Variants in WDR11 observed in about 807,000 individuals in gnomAD.
The protein encoded by WDR11 is WD repeat domain 11.
In WDR11, 83 loss-of-function variants were observed where a neutral mutation model predicts 151.2. That is an observed-to-expected ratio of 0.55 (90% CI 0.46 to 0.66). The LOEUF (loss-of-function observed/expected upper bound fraction) is 0.66, where lower values mean the gene tolerates loss of function less well. Ranked by LOEUF, WDR11 falls within the 30% of genes least tolerant of loss-of-function variation. The pLI, the probability that WDR11 is intolerant of heterozygous loss-of-function variation, is 0.00. For synonymous variants in WDR11, 484 were observed against 533.1 expected (o/e 0.91, Z 1.27); for missense variants, 1,301 against 1,480.9 (o/e 0.88, Z 1.99).
rs1848171432 is a variant in WDR11 at position 120,908,683 on chromosome 10, G to GT, written c.3646dup (p.Ser1216PhefsTer8). 6.2e-7 allele frequency: 1 copy of GT among 1,614,198 alleles called. No individual in the cohort carries two copies. The highest frequency in any genetic ancestry group is 8.5e-7 in the Non-Finnish European group (1 of 1,180,042). On this transcript the variant is annotated frameshift_variant, in exon 29 of 29. Coordinates refer to ENST00000263461, the MANE Select transcript of WDR11 (RefSeq NM_018117.12). LOFTEE classifies it high-confidence loss of function. ...GCAAAGACTTATTGAATGAGCTTGA[G>GT]TCCCCCAAGGAAGAACCCATTGAAG...
At chr10:120,862,025 A>G (rs143722619) in intron 4 of WDR11, among the ~76,000 whole-genome samples, 2 of 152,348 alleles carry the variant, frequency 1.3e-5, no homozygotes, top group East Asian at 1.9e-4. Flanking sequence ...GTATCATCAA[A>G]TAAAATATAT....
chr10:120,888,102 A>G (rs1847288446), intron 16 of WDR11, among the ~76,000 whole-genome samples: 1 of 152,214 alleles, frequency 6.6e-6, no homozygotes, highest in Non-Finnish European at 1.5e-5. Context: ...CATGGATACC[A>G]TTTGAATTTT....
At chr10:120,901,011 C>G in intron 20 of WDR11, 25 bp from the exon 21 acceptor site, 1 of 1,518,474 alleles carries the variant, frequency 6.6e-7, no homozygotes, top group South Asian at 1.1e-5. Context: ...AGATAATGAA[C>G]TCATTCAAAA....
chr10:120,889,952 A>C lies in WDR11; in HGVS notation c.2286A>C (p.Gly762=), dbSNP rs1847364579. The change falls in exon 18 of 29, where the codon GGA becomes GGC. Residue 762 remains glycine, a synonymous_variant. Coordinates refer to ENST00000263461, the MANE Select transcript of WDR11 (RefSeq NM_018117.12). ...VRKIRFAPGK[G]NQKLIAMYND... ...AGATTCGTTTTGCTCCTGGTAAAGG[A>C]AATCAAAAATTAATAGCAATGTACA... 1 of 1,614,138 alleles carries C rather than the reference A, an allele frequency of 6.2e-7. No individual in the cohort carries two copies. Among genetic ancestry groups the C allele is most frequent in the East Asian group, 2.2e-5 (1 of 44,872 alleles).
intron 9 of WDR11, among the ~76,000 whole-genome samples, chr10:120,869,105 G>GTTTT (rs1491035622): frequency 4.2e-5 from 3 of 71,634 alleles, no homozygotes. Flanking sequence ...ATAAATTACA[G>GTTTT]GTTTTTTTTT....
rs1845762568 is a variant in WDR11, at chr10:120,851,364, A to C, written c.-57A>C. 6.6e-7 allele frequency: 1 copy of C among 1,508,206 alleles called. No individual in the cohort carries two copies. Among genetic ancestry groups the C allele is most frequent in the African/African-American group, 1.4e-5 (1 of 73,122 alleles). 93.4% of individuals were successfully genotyped at this position (1,508,206 alleles called of 1,614,324 possible). On this transcript the variant is annotated 5_prime_UTR_variant, in exon 1 of 29. Transcript: ENST00000263461. ...CGGACTCTGTTTGGAACGGAAGCACAGTGTCCGCCGCTTCCTGGTTGCGGG... is the reference window on the plus strand; with the variant it reads ...CGGACTCTGTTTGGAACGGAAGCACCGTGTCCGCCGCTTCCTGGTTGCGGG...
rs761965270 is a variant in WDR11 at position 120,905,311 on chromosome 10, T to C, written c.3194-8T>C. The C allele has an allele frequency of 7.1e-5, 114 of 1,613,816 alleles. No individual in the cohort carries two copies. The South Asian group carries it at 1.2e-3, about 17-fold the overall frequency. Reference sequence around the variant, plus strand: ...TGTCACTTAAGGGGATGCGCTTTTGTCTTTCAGAGGGCGTTCAGTTGCTCT... The same window carrying C: ...TGTCACTTAAGGGGATGCGCTTTTGCCTTTCAGAGGGCGTTCAGTTGCTCT... On this transcript the variant is annotated splice_region_variant and splice_polypyrimidine_tract_variant and intron_variant, in intron 25 of 28. Coordinates refer to ENST00000263461, the MANE Select transcript of WDR11 (RefSeq NM_018117.12).
rs1380672683 is a variant in WDR11, at chr10:120,871,257, C to T, written c.1382C>T (p.Ser461Leu). 1 of 1,614,176 alleles carries T rather than the reference C, an allele frequency of 6.2e-7. No homozygotes were observed. Among genetic ancestry groups the T allele is most frequent in the Admixed American group, 1.7e-5 (1 of 60,020 alleles). Residue 461 changes from serine (S) to leucine (L), a missense_variant, in exon 10 of 29, where the codon TCA (serine) becomes TTA (leucine). Physicochemically the swap from Ser to Leu is moderately radical, Grantham distance 145. This residue lies in a region of WDR11 where 692 missense variants were observed against 762.5 expected (regional missense o/e 0.91). Coordinates refer to ENST00000263461, the MANE Select transcript of WDR11 (RefSeq NM_018117.12). Reference protein sequence around the residue: ...HLKFLLTGLLSGLPAPQFAIR... With the variant: ...HLKFLLTGLLLGLPAPQFAIR... Reference sequence around the variant, plus strand: ...AAGTTCCTGCTGACGGGACTGCTTTCAGGACTGCCCGCACCACAGTTTGCT... The same window carrying T: ...AAGTTCCTGCTGACGGGACTGCTTTTAGGACTGCCCGCACCACAGTTTGCT...
At chr10:120,856,565 ACT>A (rs1181181650) in intron 2 of WDR11, among the ~76,000 whole-genome samples, 1 of 112,060 alleles carries the variant, frequency 8.9e-6, no homozygotes, top group Non-Finnish European at 1.7e-5. Context: ...ACAGAATAAG[ACT>A]CTGTCTCCAA....
chr10:120,880,752 C>G (rs895536041), intron 12 of WDR11, 74 bp from the exon 13 acceptor site: 2 of 1,279,336 alleles, frequency 1.6e-6, no homozygotes, highest in African/African-American at 3.0e-5. Context: ...GATCAAATTA[C>G]ATTGGCGTGG....
intron 16 of WDR11, among the ~76,000 whole-genome samples, chr10:120,887,326 T>C (rs1376768025): frequency 6.6e-6 from 1 of 152,234 alleles, no homozygotes; most frequent in Non-Finnish European, 1.5e-5. Context: ...CTTATGGCCT[T>C]GTGGAATCTG....
intron 3 of WDR11, among the ~76,000 whole-genome samples, 155 bp from the exon 4 acceptor site, chr10:120,859,954 T>TACACAC (rs3217470): frequency 2.0e-5 from 3 of 150,724 alleles, no homozygotes; most frequent in South Asian, 4.2e-4. Flanking sequence ...GGAATATTGA[T>TACACAC]ACACACACAC....
chr10:120,887,911 T>C (rs1847276528), intron 16 of WDR11, among the ~76,000 whole-genome samples: 2 of 148,120 alleles, frequency 1.4e-5, no homozygotes, highest in South Asian at 4.4e-4. Context: ...CTTCATATTA[T>C]ATACAGAATT....
At chr10:120,867,361 C>G (rs947276355) in intron 9 of WDR11, among the ~76,000 whole-genome samples, 192 bp downstream of exon 9, 1 of 152,164 alleles carries the variant, frequency 6.6e-6, no homozygotes, top group Admixed American at 6.5e-5. Flanking sequence ...TGAAGTAGCA[C>G]GGGTTTGCAT....
rs1276625499 is a variant in WDR11 at position 120,851,589 on chromosome 10, C to G, written c.86+83C>G. The G allele has an allele frequency of 3.9e-6, 6 of 1,533,366 alleles. No individual in the cohort carries two copies. In the East Asian group the frequency reaches 9.5e-5, roughly 24 times the overall value. The allele number at this position is 1,533,366 out of a possible 1,614,324, so 95.0% of individuals were successfully genotyped here. Reference sequence around the variant, plus strand: ...GGGGAAGGACAAGAGGTTTCACCCCCTGGTTAGTTTGGCCTCGCTAAGGCA... The same window carrying G: ...GGGGAAGGACAAGAGGTTTCACCCCGTGGTTAGTTTGGCCTCGCTAAGGCA... On this transcript the variant is annotated intron_variant, in intron 1 of 28. Transcript: ENST00000263461.
chr10:120,900,588 T>C (rs917700618), intron 20 of WDR11, among the ~76,000 whole-genome samples: 3 of 152,174 alleles, frequency 2.0e-5, no homozygotes, highest in East Asian at 1.9e-4. Flanking sequence ...TTCACAAATA[T>C]TACTGAACTC....
At chr10:120,855,176 A>G (rs1845905131) in intron 2 of WDR11, among the ~76,000 whole-genome samples, 1 of 152,212 alleles carries the variant, frequency 6.6e-6, no homozygotes, top group Non-Finnish European at 1.5e-5. Context: ...GGCATTATAA[A>G]GTAAAATAAG....
chr10:120,867,969 T>A (rs977374682), intron 9 of WDR11, among the ~76,000 whole-genome samples: 9 of 152,236 alleles, frequency 5.9e-5, no homozygotes, highest in Non-Finnish European at 1.3e-4. Context: ...ATTTCAAATT[T>A]TATGCTACTT....
Position 120,908,685 on chromosome 10 carries a change from C to A in WDR11, c.3647C>A (p.Ser1216Tyr), listed in dbSNP as rs1275887024. The stretch of plus-strand genomic sequence containing the variant: ...AAAGACTTATTGAATGAGCTTGAGT[C>A]CCCCAAGGAAGAACCCATTGAAGAG... ...AGKDLLNELE[S>Y]PKEEPIEE Residue 1216 changes from serine (S) to tyrosine (Y), a missense_variant, in exon 29 of 29, where the codon TCC becomes TAC. Ser to Tyr is a moderately radical substitution (Grantham distance 144). Coordinates refer to ENST00000263461, the MANE Select transcript of WDR11 (RefSeq NM_018117.12). The A allele has an allele frequency of 6.2e-7, 1 of 1,614,174 alleles. No homozygotes were observed. Among genetic ancestry groups the A allele is most frequent in the South Asian group, 1.1e-5 (1 of 91,074 alleles).
Sources: allele counts gnomAD v4.1 joint callset (sites outside exome capture counted in the v4.1 genomes callset), GRCh38; gene constraint gnomAD v4.1.1; regional missense constraint gnomAD v4.1.1; transcripts MANE v1.5; gene names NCBI Gene and HGNC (gene_info 2026-07-23, HGNC 2026-07-21).